NECTIN2: variants seen among roughly 807,000 people sequenced by gnomAD.
The protein encoded by NECTIN2 is nectin-2.
A neutral mutation model predicts 56.9 loss-of-function variants in NECTIN2; 23 were observed. The ratio of observed to expected loss-of-function variants is 0.40; its 90% CI spans 0.29 to 0.57. NECTIN2 has a LOEUF of 0.57. Among genes scored for constraint, NECTIN2 ranks in the 20% least tolerant of loss-of-function variants. NECTIN2 has a pLI of 0.38. For missense variants in NECTIN2, 587 were observed against 718.3 expected (o/e 0.82, Z 2.09); for synonymous variants, 302 against 313.8 (o/e 0.96, Z 0.40).
chr19:44,848,666 CCTCT>C (rs141171177), intron 1 of NECTIN2, among the ~76,000 whole-genome samples: 2 of 150,102 alleles, frequency 1.3e-5, no homozygotes, highest in Non-Finnish European at 3.0e-5. Flanking sequence ...GCTCGCTCTC[CCTCT>C]CTCTCTCTCT....
chr19:44,875,906 G>A lies in NECTIN2; in HGVS notation c.1042+1428G>A, dbSNP rs113346665. On this transcript the variant is annotated intron_variant, in intron 5 of 8. Transcript: ENST00000252483. This position sits in a 1 kb window ranked among gnomAD's most constrained non-coding sequence, Gnocchi z 4.2. ...GAGACAGCTGTCCCGCTCTGGGCTC[G>A]CCTGGCGCGTGAGGATGCACATAAG... 1.8e-3 allele frequency among the ~76,000 whole-genome samples: 277 copies of A among 152,258 alleles called. 1 individual carries two copies. Among genetic ancestry groups the A allele is most frequent in the African/African-American group, 6.4e-3 (265 of 41,552 alleles).
At chr19:44,854,814 A>G (rs1968944516) in intron 1 of NECTIN2, among the ~76,000 whole-genome samples, 1 of 151,364 alleles carries the variant, frequency 6.6e-6, no homozygotes, top group Non-Finnish European at 1.5e-5. Context: ...CTCCACCTCA[A>G]AAAAAATTTT....
At chr19:44,862,656 T>C (rs1479183972) in intron 1 of NECTIN2, among the ~76,000 whole-genome samples, 1 of 151,796 alleles carries the variant, frequency 6.6e-6, no homozygotes, top group South Asian at 2.1e-4. Flanking sequence ...TACACAAAGA[T>C]TGGAATAATG....
rs367909831 is a variant in NECTIN2, at chr19:44,886,040, A to G, written c.1260+40A>G. 286 of 1,575,560 alleles carry G rather than the reference A, an allele frequency of 1.8e-4. 1 individual carries two copies. The highest frequency in any genetic ancestry group is 2.4e-4 in the Non-Finnish European group (275 of 1,145,256). On this transcript the variant is annotated intron_variant, in intron 7 of 8. Coordinates refer to ENST00000252483, the MANE Select transcript of NECTIN2 (RefSeq NM_001042724.2). ...TGGAGCCCAAGCTATCCCCACCTCC[A>G]CACCCACCCCAGGGCTGGGAGGGGC...
chr19:44,871,845 C>T lies in NECTIN2; in HGVS notation c.479-8C>T. On this transcript the variant is annotated splice_polypyrimidine_tract_variant and splice_region_variant and intron_variant, in intron 2 of 8. Coordinates refer to ENST00000252483, the MANE Select transcript of NECTIN2 (RefSeq NM_001042724.2). Reference sequence around the variant, plus strand: ...GGAGTGACGCACCCCCTCTCCTCCTCTCCCCAGCCAAGCCCAAGAACCAAG... The same window carrying T: ...GGAGTGACGCACCCCCTCTCCTCCTTTCCCCAGCCAAGCCCAAGAACCAAG... 1.2e-6 allele frequency: 2 copies of T among 1,609,544 alleles called. No homozygotes were observed. Among genetic ancestry groups the T allele is most frequent in the East Asian group, 2.2e-5 (1 of 44,716 alleles).
chr19:44,867,823 T>C, intron 2 of NECTIN2, among the ~76,000 whole-genome samples: 1 of 151,424 alleles, frequency 6.6e-6, no homozygotes, highest in Non-Finnish European at 1.5e-5. Context: ...CCATGGGAGG[T>C]GTCAAGCCAC....
intron 2 of NECTIN2, among the ~76,000 whole-genome samples, chr19:44,870,252 C>T (rs1969156896): frequency 6.6e-6 from 1 of 152,060 alleles, no homozygotes. Flanking sequence ...GGGGAGGTGG[C>T]CATGGGGAAG....
At chr19:44,876,229 A>G (rs1477833246) in intron 5 of NECTIN2, among the ~76,000 whole-genome samples, 1 of 152,118 alleles carries the variant, frequency 6.6e-6, no homozygotes, top group Admixed American at 6.5e-5. Context: ...TGCCCTCAGT[A>G]GCACACCCAG....
At chr19:44,846,973 A>C (rs1442552299) in intron 1 of NECTIN2, among the ~76,000 whole-genome samples, 1 of 151,620 alleles carries the variant, frequency 6.6e-6, no homozygotes, top group African/African-American at 2.4e-5. Context: ...GTTCACCCGG[A>C]TCTGGGTCTC....
At chr19:44,883,082 G>A (rs1008118040) in intron 6 of NECTIN2, among the ~76,000 whole-genome samples, 3 of 152,142 alleles carry the variant, frequency 2.0e-5, no homozygotes, top group Non-Finnish European at 4.4e-5. Flanking sequence ...TGGCTGGCCA[G>A]TTGTTAATAA....
intron 7 of NECTIN2, 64 bp downstream of exon 7, chr19:44,886,064 GC>G: frequency 6.4e-7 from 1 of 1,570,214 alleles, no homozygotes; most frequent in Non-Finnish European, 8.8e-7. Flanking sequence ...GCTGGGAGGG[GC>G]CTGGCAGGGA....
intron 1 of NECTIN2, among the ~76,000 whole-genome samples, chr19:44,854,618 G>T (rs1436526916): frequency 4.0e-5 from 6 of 151,652 alleles, no homozygotes; most frequent in East Asian, 2.0e-4. Context: ...TCCGAGACTA[G>T]CCTGGCTGAC....
At chr19:44,867,537 A>G (rs1969115478) in intron 2 of NECTIN2, among the ~76,000 whole-genome samples, 1 of 152,190 alleles carries the variant, frequency 6.6e-6, no homozygotes, top group Admixed American at 6.5e-5. Context: ...GCTTAGAAGT[A>G]GGGGACATAG....
chr19:44,848,680 T>C (rs1871046), intron 1 of NECTIN2, among the ~76,000 whole-genome samples: 47,130 of 148,636 alleles, frequency 0.32, 8,375 homozygotes, highest in South Asian at 0.4. Context: ...TCTCTCTCTC[T>C]CCCCTCCCCC....
At chr19:44,864,022 C>CCCCCA (rs1555786364) in intron 1 of NECTIN2, among the ~76,000 whole-genome samples, 26 of 148,170 alleles carry the variant, frequency 1.8e-4, no homozygotes, top group East Asian at 3.9e-4. Flanking sequence ...TCCCCCCCCC[C>CCCCCA]AAAAAAAAAT....
intron 1 of NECTIN2, among the ~76,000 whole-genome samples, chr19:44,848,679 C>G (rs1968865836): frequency 6.6e-6 from 1 of 151,332 alleles, no homozygotes; most frequent in Non-Finnish European, 1.5e-5. Flanking sequence ...CTCTCTCTCT[C>G]TCCCCTCCCC....
rs1969316322 is a variant in NECTIN2 at position 44,882,308 on chromosome 19, T to C, written c.1140T>C (p.Leu380=). Residue 380 remains leucine, a synonymous_variant, in exon 6 of 9, where the codon CTT becomes CTC. Coordinates refer to ENST00000252483, the MANE Select transcript of NECTIN2 (RefSeq NM_001042724.2). ...IATAVAATGI[L]ICRQQRKEQT... is the part of the protein sequence containing the mutation. The stretch of plus-strand genomic sequence containing the variant: ...CTGCTGTGGCTGCCACGGGCATCCT[T>C]ATCTGCCGGCAGCAGCGGAAGGAGC... The C allele has an allele frequency of 1.9e-6, 3 of 1,555,216 alleles. No homozygotes were observed. The highest frequency in any genetic ancestry group is 1.4e-5 in the African/African-American group (1 of 72,336).
chr19:44,874,348 G>A lies in NECTIN2; in HGVS notation c.912G>A (p.Pro304=), dbSNP rs74533957. 44 of 1,614,078 alleles carry A rather than the reference G, an allele frequency of 2.7e-5. No individual in the cohort carries two copies. The East Asian group carries it at 7.1e-4, about 26-fold the overall frequency. The change falls in exon 5 of 9, where the codon CCG becomes CCA. Residue 304 remains proline, a synonymous_variant. Coordinates refer to ENST00000252483, the MANE Select transcript of NECTIN2 (RefSeq NM_001042724.2). This position sits in a 1 kb window ranked among gnomAD's most constrained non-coding sequence, Gnocchi z 6.3. ...YDWSTTSGTF[P]TSAVAQGSQL... is the part of the protein sequence containing the mutation. The stretch of plus-strand genomic sequence containing the variant: ...CCTCCAGGACCTCAGGCACCTTCCC[G>A]ACCTCCGCAGTGGCCCAGGGCTCCC...
chr19:44,864,011 T>TTTC (rs1969064260), intron 1 of NECTIN2, among the ~76,000 whole-genome samples: 1 of 50,322 alleles, frequency 2.0e-5, no homozygotes. Context: ...TTTCAGAGGA[T>TTTC]TCCCCCCCCC....
Sources: allele counts gnomAD v4.1 joint callset (sites outside exome capture counted in the v4.1 genomes callset), GRCh38; gene constraint gnomAD v4.1.1; non-coding constraint Gnocchi (gnomAD v3.1); transcripts MANE v1.5; gene names NCBI Gene and HGNC (gene_info 2026-07-23, HGNC 2026-07-21).